PRDM11: variants seen among roughly 807,000 people sequenced by gnomAD.
PRDM11 encodes PR/SET domain 11.
In PRDM11, 20 loss-of-function variants were observed where a neutral mutation model predicts 97.8. The observed-to-expected ratio is 0.20, with a 90% CI of 0.14 to 0.30. The LOEUF (loss-of-function observed/expected upper bound fraction) is 0.30, where lower values mean the gene tolerates loss of function less well. Ranked by LOEUF, PRDM11 falls within the 10% of genes least tolerant of loss-of-function variation. The pLI, the probability that PRDM11 is intolerant of heterozygous loss-of-function variation, is 1.00. For synonymous variants in PRDM11, 599 were observed against 637.7 expected (o/e 0.94, Z 0.91); for missense variants, 1,139 against 1,555.2 (o/e 0.73, Z 4.50).
chr11:45,095,790 C>T, upstream of PRDM11: 1 of 734,898 alleles, frequency 1.4e-6, no homozygotes, highest in South Asian at 1.5e-5. Flanking sequence ...CATTTCGGGT[C>T]ACAAGGTAGG....
rs1175926672 is a variant in PRDM11, at chr11:45,232,040, G to A, written c.*3881G>A. 1 of 152,192 alleles carries A rather than the reference G, an allele frequency of 6.6e-6. No individual in the cohort carries two copies. Among genetic ancestry groups the A allele is most frequent in the Non-Finnish European group, 1.5e-5 (1 of 68,036 alleles). 9.4% of individuals were successfully genotyped at this position (152,192 alleles called of 1,614,324 possible). On this transcript the variant is annotated 3_prime_UTR_variant, in exon 8 of 8. Coordinates refer to ENST00000683152, the MANE Select transcript of PRDM11 (RefSeq NM_001384648.1). ...CTCAGCCTCTGCCACATGTTTCCAA[G>A]TTGAGTTGTTTTGCTGAGGTGGTCC...
intron 1 of PRDM11, among the ~76,000 whole-genome samples, chr11:45,176,578 C>T (rs1385894550): frequency 1.3e-5 from 2 of 152,132 alleles, no homozygotes; most frequent in Non-Finnish European, 2.9e-5. Flanking sequence ...TGCAGTTTCT[C>T]AAGGTTACAC....
intron 1 of PRDM11, among the ~76,000 whole-genome samples, chr11:45,119,908 G>C (rs114423377): frequency 0.014 from 2,178 of 152,208 alleles, 48 homozygotes; most frequent in African/African-American, 0.051. Flanking sequence ...AAATAGCAGA[G>C]CCACTGCTGA....
rs577729600 is a variant in PRDM11 at position 45,181,796 on chromosome 11, C to T, written c.30C>T (p.Ala10=). 4 of 1,613,430 alleles carry T rather than the reference C, an allele frequency of 2.5e-6. No individual in the cohort carries two copies. The highest frequency in any genetic ancestry group is 1.7e-6 in the Non-Finnish European group (2 of 1,179,904). Residue 10 remains alanine, a synonymous_variant, in exon 2 of 8, where the codon GCC becomes GCT. Transcript: ENST00000683152. ...CCGAGAACATGAAGGAGTGCTTGGC[C>T]CAGACCAATGCAGCCGTGGGGGATA... MTENMKECL[A]QTNAAVGDMV... is the part of the protein sequence containing the mutation.
chr11:45,224,957 A>G (rs2135854135), intron 7 of PRDM11, 114 bp downstream of exon 7: 1 of 1,567,310 alleles, frequency 6.4e-7, no homozygotes, highest in Non-Finnish European at 8.6e-7. Context: ...GAGGAGTGTA[A>G]CGTGGAGGCG....
At chr11:45,101,403 A>C (rs934205628) in intron 1 of PRDM11, among the ~76,000 whole-genome samples, 6 of 152,250 alleles carry the variant, frequency 3.9e-5, no homozygotes, top group African/African-American at 1.4e-4. Flanking sequence ...TTAAAATACA[A>C]AAATTAGCTG....
At chr11:45,105,956 T>G (rs778126506) in intron 1 of PRDM11, among the ~76,000 whole-genome samples, 3 of 152,222 alleles carry the variant, frequency 2.0e-5, no homozygotes, top group Non-Finnish European at 4.4e-5. Flanking sequence ...TGATTTCCTT[T>G]AGGCAACAAA....
intron 1 of PRDM11, among the ~76,000 whole-genome samples, chr11:45,150,052 G>T (rs951617377): frequency 3.3e-5 from 5 of 152,156 alleles, no homozygotes; most frequent in African/African-American, 1.2e-4. Context: ...GCTGTGAGGA[G>T]AATGACAGAA....
At chr11:45,203,561 T>C (rs1255392134) in intron 4 of PRDM11, among the ~76,000 whole-genome samples, 1 of 150,636 alleles carries the variant, frequency 6.6e-6, no homozygotes, top group African/African-American at 2.4e-5. Context: ...CCCAGAATAA[T>C]AAAGAGAAAA....
At chr11:45,173,295 C>T (rs2135721197) in intron 1 of PRDM11, among the ~76,000 whole-genome samples, 1 of 152,202 alleles carries the variant, frequency 6.6e-6, no homozygotes, top group East Asian at 1.9e-4. Context: ...CCATAGAAGC[C>T]ACCAGCAGGA....
Position 45,181,855 on chromosome 11 carries a change from C to A in PRDM11, c.89C>A (p.Pro30Gln). Residue 30 changes from proline to glutamine, a missense_variant, in exon 2 of 8, where the codon CCA (proline) becomes CAA (glutamine). By Grantham distance (76) the Pro-to-Gln change is moderately conservative (BLOSUM62 -1). Around this residue, in one of 2 missense-constraint regions of PRDM11, gnomAD observed 429 missense variants for 510.3 expected, o/e 0.84. Transcript: ENST00000683152. ...VTVVKTEVCS[P>Q]LRDQEYGQPC... ...GTGGTGAAGACGGAGGTCTGCTCACCACTCCGAGACCAGGAGTATGGCCAG... is the reference window on the plus strand; with the variant it reads ...GTGGTGAAGACGGAGGTCTGCTCACAACTCCGAGACCAGGAGTATGGCCAG... The A allele has an allele frequency of 6.2e-7, 1 of 1,613,274 alleles. No individual in the cohort carries two copies. The highest frequency in any genetic ancestry group is 8.5e-7 in the Non-Finnish European group (1 of 1,179,878).
At chr11:45,172,491 G>C (rs1372258655) in intron 1 of PRDM11, among the ~76,000 whole-genome samples, 1 of 152,056 alleles carries the variant, frequency 6.6e-6, no homozygotes, top group African/African-American at 2.4e-5. Context: ...TCCTTATGAA[G>C]CACCAAAGAC....
chr11:45,105,592 G>C (rs181009882), intron 1 of PRDM11, among the ~76,000 whole-genome samples: 1 of 152,224 alleles, frequency 6.6e-6, no homozygotes, highest in Admixed American at 6.5e-5. Flanking sequence ...CCCTCCAGCC[G>C]TGGTGACAGC....
At chr11:45,182,382 C>G (rs773149106) in intron 3 of PRDM11, 33 bp downstream of exon 3, 1 of 1,574,476 alleles carries the variant, frequency 6.4e-7, no homozygotes, top group South Asian at 1.1e-5. Flanking sequence ...GGCTGCTCCT[C>G]CCTTCACCCC....
rs75984491 is a variant in PRDM11, at chr11:45,108,695, G to T, written c.96+12794G>T. Among the ~76,000 whole-genome samples the T allele has an allele frequency of 5.7e-4, 87 of 152,332 alleles. No homozygotes were observed. The East Asian group carries it at 0.016, about 27-fold the overall frequency. On this transcript the variant is annotated intron_variant, in intron 1 of 6. Transcript: ENST00000530656. ...AGGCACCAGGGGCCTCTCAGTGGCA[G>T]CTGTCTTTGAAGTCCTTGGACCCAT...
intron 1 of PRDM11, among the ~76,000 whole-genome samples, chr11:45,152,064 A>C (rs1851672900): frequency 6.6e-6 from 1 of 151,994 alleles, no homozygotes; most frequent in African/African-American, 2.4e-5. Context: ...TCTCATGGGC[A>C]CATTTATTTA....
At chr11:45,134,165 A>G (rs1341724124) in intron 1 of PRDM11, among the ~76,000 whole-genome samples, 1 of 128,576 alleles carries the variant, frequency 7.8e-6, no homozygotes, top group African/African-American at 2.9e-5. Context: ...AGAGACAGTG[A>G]AAATTTTCTG....
chr11:45,167,759 CCACACACACACACACACACACACACA>C (rs34333065), intron 1 of PRDM11, among the ~76,000 whole-genome samples: 5 of 143,220 alleles, frequency 3.5e-5, no homozygotes, highest in East Asian at 2.1e-4. Flanking sequence ...TCATTTCACA[CCACACACACACACACACACACACACA>C]CACACACACA....
intron 1 of PRDM11, among the ~76,000 whole-genome samples, chr11:45,176,193 G>A (rs1001027516): frequency 3.9e-5 from 6 of 152,050 alleles, no homozygotes; most frequent in Non-Finnish European, 7.3e-5. Context: ...GGCCAACATG[G>A]TGAAACCCTG....
Sources: allele counts gnomAD v4.1 joint callset (sites outside exome capture counted in the v4.1 genomes callset), GRCh38; gene constraint gnomAD v4.1.1; regional missense constraint gnomAD v4.1.1; transcripts MANE v1.5; gene names NCBI Gene and HGNC (gene_info 2026-07-23, HGNC 2026-07-21).